SAMMSON: variants seen among roughly 807,000 people sequenced by gnomAD.
The protein encoded by SAMMSON is long intergenic non-protein coding RNA 1212.
chr3:70,063,159 A>G (rs900432789), intron 3 of SAMMSON, among the ~76,000 whole-genome samples: 8 of 134,306 alleles, frequency 6.0e-5, no homozygotes, highest in African/African-American at 2.0e-4. Flanking sequence ...CTTTCTCTTG[A>G]CAAATATCTT....
At chr3:70,126,498 T>G (rs186471027) in intron 4 of SAMMSON, 42 of 631,084 alleles carry the variant, frequency 6.7e-5, no homozygotes, top group Non-Finnish European at 1.1e-4. Flanking sequence ...TCCTCAGCGG[T>G]CAGCTCAGCT....
intron 7 of SAMMSON, among the ~76,000 whole-genome samples, chr3:70,307,725 C>T (rs1301820078): frequency 6.6e-6 from 1 of 152,122 alleles, no homozygotes; most frequent in Non-Finnish European, 1.5e-5. Context: ...TATTTACAGG[C>T]TCATATCACA....
At chr3:70,346,310 TG>T (rs1486868856) in intron 7 of SAMMSON, among the ~76,000 whole-genome samples, 6 of 87,054 alleles carry the variant, frequency 6.9e-5, no homozygotes, top group African/African-American at 2.0e-4. Flanking sequence ...TTTTGCTCAT[TG>T]TTTTTTTTTT....
rs2067362183 is a variant in SAMMSON at position 70,105,040 on chromosome 3, C to G, written n.507+33475C>G. On this transcript the variant is annotated intron_variant and non_coding_transcript_variant, in intron 4 of 9. Transcript: ENST00000642114. ...ACAGAAATATGCCTAAGCCAAGCAC[C>G]CTTTCTCAAGGATTGCCATCATATA... 1.6e-4 allele frequency among the ~76,000 whole-genome samples: 24 copies of G among 152,122 alleles called. No individual in the cohort carries two copies. In the South Asian group the frequency reaches 5.0e-3, roughly 32 times the overall value.
chr3:70,273,830 T>C (rs982268830), intron 6 of SAMMSON, among the ~76,000 whole-genome samples: 5 of 151,974 alleles, frequency 3.3e-5, no homozygotes, highest in Non-Finnish European at 7.4e-5. Context: ...CAAGGCAGAG[T>C]CTCACTTTAT....
intron 7 of SAMMSON, among the ~76,000 whole-genome samples, chr3:70,320,151 G>T (rs1283939471): frequency 6.6e-6 from 1 of 152,038 alleles, no homozygotes; most frequent in Non-Finnish European, 1.5e-5. Flanking sequence ...GGGTCCTGAT[G>T]ATTATTAGAG....
intron 7 of SAMMSON, among the ~76,000 whole-genome samples, chr3:70,328,160 C>T (rs1156772782): frequency 2.0e-5 from 3 of 152,106 alleles, no homozygotes; most frequent in African/African-American, 7.2e-5. Context: ...AAAGGTCTGC[C>T]CCCATGATTT....
chr3:70,157,774 T>A (rs1457270609), intron 4 of SAMMSON, among the ~76,000 whole-genome samples: 1 of 152,066 alleles, frequency 6.6e-6, no homozygotes, highest in Non-Finnish European at 1.5e-5. Flanking sequence ...CTCCTTTAAT[T>A]CTCATAACGA....
intron 2 of SAMMSON, among the ~76,000 whole-genome samples, chr3:70,416,959 A>G (rs918190): frequency 0.24 from 35,886 of 151,888 alleles, 4,329 homozygotes; most frequent in East Asian, 0.32. Flanking sequence ...AGGAATAGAG[A>G]AAAACATCTG....
rs75524834 is a variant in SAMMSON, at chr3:70,299,526, C to A, written n.739+8283C>A. ...ATCCAGAAATCTCTGTAATCTCTGA[C>A]AACTCCTGTCTCTCTGATCCCTTAA... On this transcript the variant is annotated intron_variant and non_coding_transcript_variant, in intron 7 of 9. Coordinates refer to ENST00000642114, the Ensembl canonical transcript of SAMMSON. Among the ~76,000 whole-genome samples, 162 of 152,222 alleles carry A rather than the reference C, an allele frequency of 1.1e-3. 4 individuals carry two copies. The East Asian group carries it at 0.029, about 27-fold the overall frequency.
chr3:70,289,011 C>A (rs1411893791), intron 6 of SAMMSON, among the ~76,000 whole-genome samples: 1 of 152,174 alleles, frequency 6.6e-6, no homozygotes, highest in African/African-American at 2.4e-5. Flanking sequence ...AAATCTTTAT[C>A]CAGTTTGCCA....
chr3:70,366,672 A>T (rs1425340320), intron 9 of SAMMSON, among the ~76,000 whole-genome samples: 1 of 151,580 alleles, frequency 6.6e-6, no homozygotes, highest in Admixed American at 6.6e-5. Flanking sequence ...TTGTGTGGAC[A>T]TAACTTTGCA....
At chr3:70,207,826 A>G (rs1253256498) in intron 4 of SAMMSON, among the ~76,000 whole-genome samples, 2 of 152,004 alleles carry the variant, frequency 1.3e-5, no homozygotes, top group Non-Finnish European at 2.9e-5. Flanking sequence ...GCATCTGAAA[A>G]TTTCGATATC....
intron 1 of SAMMSON, among the ~76,000 whole-genome samples, chr3:70,001,848 A>C (rs1277708566): frequency 6.6e-6 from 1 of 152,218 alleles, no homozygotes; most frequent in Non-Finnish European, 1.5e-5. Flanking sequence ...ATGATGGAGC[A>C]ATACCTGATG....
intron 7 of SAMMSON, among the ~76,000 whole-genome samples, chr3:70,321,888 T>C (rs1285343539): frequency 2.0e-5 from 3 of 152,050 alleles, no homozygotes; most frequent in Non-Finnish European, 4.4e-5. Context: ...AGCGTAGAGA[T>C]GAAAGAATAT....
At chr3:70,267,578 A>T (rs796413029) in intron 6 of SAMMSON, among the ~76,000 whole-genome samples, 55,478 of 132,630 alleles carry the variant, frequency 0.42, 12,449 homozygotes, top group Non-Finnish European at 0.51. Flanking sequence ...AATTTTTTGT[A>T]TTTTTTTTTT....
At chr3:70,264,791 A>C (rs944311865) in intron 6 of SAMMSON, among the ~76,000 whole-genome samples, 4 of 152,228 alleles carry the variant, frequency 2.6e-5, no homozygotes, top group Admixed American at 6.5e-5. Flanking sequence ...ACAGGGAGCT[A>C]TGGAAACTCT....
chr3:70,140,111 A>G (rs946206320), intron 4 of SAMMSON: 2 of 153,774 alleles, frequency 1.3e-5, no homozygotes, highest in Non-Finnish European at 2.9e-5. Flanking sequence ...TGTACTTTCA[A>G]CACTGCTTAA....
At chr3:70,295,080 A>G (rs546550818) in intron 7 of SAMMSON, among the ~76,000 whole-genome samples, 1 of 152,308 alleles carries the variant, frequency 6.6e-6, no homozygotes, top group South Asian at 2.1e-4. Flanking sequence ...ATCATTGGCA[A>G]GGGCAGTGGG....
Sources: allele counts gnomAD v4.1 joint callset (sites outside exome capture counted in the v4.1 genomes callset), GRCh38; gene constraint gnomAD v4.1.1; transcripts MANE v1.5; gene names NCBI Gene and HGNC (gene_info 2026-07-23, HGNC 2026-07-21).